PELI3: variants seen among roughly 807,000 people sequenced by gnomAD.
PELI3 encodes the protein pellino E3 ubiquitin protein ligase family member 3, also known as E3 ubiquitin-protein ligase pellino homolog 3.
In PELI3, 19 loss-of-function variants were observed where a neutral mutation model predicts 35.5. The observed-to-expected ratio is 0.54, with a 90% CI of 0.37 to 0.79. PELI3 has a LOEUF of 0.79. Among genes scored for constraint, PELI3 ranks in the 30% least tolerant of loss-of-function variants. The pLI is 0.00. For synonymous variants in PELI3, 262 were observed against 279.2 expected (o/e 0.94, Z 0.62); for missense variants, 490 against 661.2 (o/e 0.74, Z 2.84).
intron 3 of PELI3, 119 bp from the exon 4 acceptor site, chr11:66,471,123 T>A (rs1854699673): frequency 1.5e-6 from 2 of 1,316,554 alleles, no homozygotes; most frequent in South Asian, 2.9e-5. Context: ...AGAGCTTGTT[T>A]ATTAAGGTAG....
At position 66,468,915 on chromosome 11, in the gene PELI3, G is replaced by A; in HGVS notation, c.224+11G>A. ...AAGGGCACACAGCTGGTAAGTGGCA[G>A]GGCTGGGATTTGGACCCAGGTCTTT... On this transcript the variant is annotated intron_variant, in intron 3 of 7. Coordinates refer to ENST00000320740, the MANE Select transcript of PELI3 (RefSeq NM_145065.3). 3 of 755,832 alleles carry A rather than the reference G, an allele frequency of 4.0e-6. No individual in the cohort carries two copies. The highest frequency in any genetic ancestry group is 7.4e-6 in the Non-Finnish European group (3 of 404,662). 46.8% of individuals were successfully genotyped at this position (755,832 alleles called of 1,614,324 possible). A position where few individuals can be genotyped will look rare whatever the true frequency, so the allele number is the denominator to read the frequency against.
rs1438306406 is a variant in PELI3 at position 66,477,161 on chromosome 11, T to C, written c.*994T>C. ...CCATGTGACCAGGGAAGATGCTGGA[T>C]GGAGGATTCTGAACCTCATTTGTGG... On this transcript the variant is annotated 3_prime_UTR_variant, in exon 8 of 8. Coordinates refer to ENST00000320740, the MANE Select transcript of PELI3 (RefSeq NM_145065.3). The C allele has an allele frequency of 6.6e-6, 1 of 152,226 alleles. No homozygotes were observed. The highest frequency in any genetic ancestry group is 6.6e-5 in the Admixed American group (1 of 15,262). 9.4% of individuals were successfully genotyped at this position (152,226 alleles called of 1,614,324 possible).
chr11:66,475,639 C>G lies in PELI3; in HGVS notation c.882C>G (p.Ile294Met). The G allele has an allele frequency of 6.2e-7, 1 of 1,612,610 alleles. No homozygotes were observed. The highest frequency in any genetic ancestry group is 8.5e-7 in the Non-Finnish European group (1 of 1,179,912). Residue 294 changes from isoleucine to methionine, a missense_variant, in exon 8 of 8, where the codon ATC becomes ATG. Around this residue, in one of 3 missense-constraint regions of PELI3, gnomAD observed 349 missense variants for 484.8 expected, o/e 0.72. Coordinates refer to ENST00000320740, the MANE Select transcript of PELI3 (RefSeq NM_145065.3). ...ACGTGCTGCAGGACGGCTCTCTCAT[C>G]GACCTGTGTGGGGCCACACTGCTGT... is the stretch of plus-strand genomic sequence containing the variant. ...ESNVLQDGSLIDLCGATLLWR... is the reference protein window; with the variant it reads ...ESNVLQDGSLMDLCGATLLWR...
At chr11:66,474,030 G>A (rs779789370) in intron 7 of PELI3, 105 bp downstream of exon 7, 1 of 1,454,884 alleles carries the variant, frequency 6.9e-7, no homozygotes, top group Non-Finnish European at 9.4e-7. Context: ...TCTGCCCCAG[G>A]GAGCCCCAAC....
Position 66,473,597 on chromosome 11 carries a change from A to T in PELI3, c.652-140A>T. The T allele has an allele frequency of 7.5e-7, 1 of 1,332,394 alleles. No individual in the cohort carries two copies. 82.5% of individuals were successfully genotyped at this position (1,332,394 alleles called of 1,614,324 possible). On this transcript the variant is annotated intron_variant, in intron 6 of 7. Coordinates refer to ENST00000320740, the MANE Select transcript of PELI3 (RefSeq NM_145065.3). This position sits in a 1 kb window ranked among gnomAD's most constrained non-coding sequence, Gnocchi z 5.8. Reference sequence around the variant, plus strand: ...CTGATGAGCAAAGTGAGGCCCAGAGAGACGCTCAAGTCATGCAGCTTCAAT... The same window carrying T: ...CTGATGAGCAAAGTGAGGCCCAGAGTGACGCTCAAGTCATGCAGCTTCAAT...
rs1484510585 is a variant in PELI3 at position 66,467,012 on chromosome 11, C to T, written c.-17C>T. On this transcript the variant is annotated 5_prime_UTR_variant, in exon 1 of 8. Transcript: ENST00000320740. The surrounding 1 kb of genome is among the most constrained non-coding windows in gnomAD (Gnocchi z 4.2). ...GGGGAGGGAGCGGCGCCCAGCGGGG[C>T]CCGGAGCGTGGCCAGGTGAGGCCGC... The T allele has an allele frequency of 6.7e-6, 1 of 149,224 alleles. No homozygotes were observed. Among genetic ancestry groups the T allele is most frequent in the South Asian group, 2.1e-4 (1 of 4,824 alleles). The allele number at this position is 149,224 out of a possible 1,614,324, so 9.2% of individuals were successfully genotyped here.
chr11:66,475,557 G>C (rs1488535379), intron 7 of PELI3, 41 bp from the exon 8 acceptor site: 1 of 1,596,742 alleles, frequency 6.3e-7, no homozygotes, highest in Non-Finnish European at 8.5e-7. Flanking sequence ...GGCTCAGCAG[G>C]GGCCTCTTGG....
In PELI3 at chr11:66,476,106, G is replaced by A; in HGVS notation, c.1349G>A (p.Gly450Glu). Residue 450 changes from glycine (G) to glutamate (E), a missense_variant, in exon 8 of 8, where the codon GGG becomes GAG. Transcript: ENST00000320740. ...HAFHAACPFC[G>E]AWLTGEHGCV... is the part of the protein sequence containing the mutation. Reference sequence around the variant, plus strand: ...TTCCATGCCGCCTGCCCCTTTTGCGGGGCCTGGCTTACCGGCGAGCATGGC... The same window carrying A: ...TTCCATGCCGCCTGCCCCTTTTGCGAGGCCTGGCTTACCGGCGAGCATGGC... 3 of 1,600,546 alleles carry A rather than the reference G, an allele frequency of 1.9e-6. No homozygotes were observed. Among genetic ancestry groups the A allele is most frequent in the Non-Finnish European group, 2.6e-6 (3 of 1,176,400 alleles).
chr11:66,474,083 AT>A (rs1219777841), intron 7 of PELI3, 158 bp downstream of exon 7: 1 of 945,414 alleles, frequency 1.1e-6, no homozygotes, highest in Non-Finnish European at 1.6e-6. Context: ...GGTTCTTAGC[AT>A]GAGCCACTTG....
At chr11:66,468,076 G>A (rs1854597480) in intron 1 of PELI3, 52 bp from the exon 2 acceptor site, 1 of 1,518,918 alleles carries the variant, frequency 6.6e-7, no homozygotes, top group Non-Finnish European at 8.9e-7. Flanking sequence ...CTGGAATTGA[G>A]CCGGGCTGGG....
rs1488392155 is a variant in PELI3 at position 66,473,210 on chromosome 11, C to T, written c.457-31C>T. ...CCCATGAGAGTCCCCTATGTACATACAGTCCCTGCTTGCTCTCCCTGTCCT... is the reference window on the plus strand; with the variant it reads ...CCCATGAGAGTCCCCTATGTACATATAGTCCCTGCTTGCTCTCCCTGTCCT... On this transcript the variant is annotated intron_variant, in intron 5 of 7. Transcript: ENST00000320740. This position sits in a 1 kb window ranked among gnomAD's most constrained non-coding sequence, Gnocchi z 5.8. The T allele has an allele frequency of 4.4e-6, 7 of 1,574,368 alleles. No individual in the cohort carries two copies. In the East Asian group the frequency reaches 6.7e-5, roughly 15 times the overall value.
intron 2 of PELI3, among the ~76,000 whole-genome samples, chr11:66,468,599 C>T (rs1205172357): frequency 6.6e-6 from 1 of 152,244 alleles, no homozygotes; most frequent in Non-Finnish European, 1.5e-5. Context: ...TCCAGCAAAA[C>T]TGCTTGGTTC....
At chr11:66,470,373 G>C (rs901120167) in intron 3 of PELI3, among the ~76,000 whole-genome samples, 28 of 152,230 alleles carry the variant, frequency 1.8e-4, no homozygotes, top group Admixed American at 1.8e-3. Flanking sequence ...GGGGCTTCTG[G>C]AGTCAGAGAG....
chr11:66,472,921 C>T (rs1326398779), intron 5 of PELI3, among the ~76,000 whole-genome samples: 2 of 152,210 alleles, frequency 1.3e-5, no homozygotes, highest in African/African-American at 4.8e-5. Context: ...ACTTAGAAGT[C>T]ACTATCTGCT....
chr11:66,473,765 A>T lies in PELI3; in HGVS notation c.680A>T (p.Asp227Val), dbSNP rs140856482. 2.9e-5 allele frequency: 47 copies of T among 1,613,786 alleles called. No homozygotes were observed. Among genetic ancestry groups the T allele is most frequent in the Non-Finnish European group, 4.0e-5 (47 of 1,180,002 alleles). The change falls in exon 7 of 8, where the codon GAT (aspartate) becomes GTT (valine). Residue 227 changes from aspartate to valine, a missense_variant. Asp to Val is a radical substitution (Grantham distance 152). This residue lies in a region of PELI3 where 349 missense variants were observed against 484.8 expected (regional missense o/e 0.72). Coordinates refer to ENST00000320740, the MANE Select transcript of PELI3 (RefSeq NM_145065.3). The surrounding 1 kb of genome is among the most constrained non-coding windows in gnomAD (Gnocchi z 5.8). ...GERAAKWRTP[D>V]GLMDGLTTNG... The stretch of plus-strand genomic sequence containing the variant: ...CGAGCGGCCAAATGGCGGACCCCAG[A>T]TGGCCTGATGGATGGACTGACCACC...
At chr11:66,475,535 G>A (rs1370379679) in intron 7 of PELI3, 63 bp from the exon 8 acceptor site, 1 of 1,563,964 alleles carries the variant, frequency 6.4e-7, no homozygotes, top group Non-Finnish European at 8.7e-7. Context: ...AGGCTCTGTG[G>A]GATGGACCCG....
At position 66,475,967 on chromosome 11, in the gene PELI3, C is replaced by G; in HGVS notation, c.1210C>G (p.Leu404Val). 1 of 1,611,874 alleles carries G rather than the reference C, an allele frequency of 6.2e-7. No individual in the cohort carries two copies. Among genetic ancestry groups the G allele is most frequent in the Non-Finnish European group, 8.5e-7 (1 of 1,179,704 alleles). The stretch of plus-strand genomic sequence containing the variant: ...TCTATGGCTTGGCCAGGAGGCCGGC[C>G]TCTGCCTGGACCCTGGGCCGCCTAG... ...VPLWLGQEAG[L>V]CLDPGPPSHA... Residue 404 changes from leucine (L) to valine (V), a missense_variant, in exon 8 of 8, where the codon CTC (leucine) becomes GTC (valine). By Grantham distance (32) the Leu-to-Val change is conservative (BLOSUM62 1). Transcript: ENST00000320740.
chr11:66,468,277 T>G lies in PELI3; in HGVS notation c.149T>G (p.Leu50Arg). The change falls in exon 2 of 8, where the codon CTG (leucine) becomes CGG (arginine). Residue 50 changes from leucine (L) to arginine (R), a missense_variant. Physicochemically the swap from Leu to Arg is moderately radical, Grantham distance 102. Transcript: ENST00000320740. ...ATCAAGTATGGTGAACTCATCGTCCTGGGGTGAGCATCCCTGGCCTAGAAG... is the reference window on the plus strand; with the variant it reads ...ATCAAGTATGGTGAACTCATCGTCCGGGGGTGAGCATCCCTGGCCTAGAAG... ...EPIKYGELIV[L>R]GCCEEGGEET... is the part of the protein sequence containing the mutation. The G allele has an allele frequency of 6.6e-7, 1 of 1,507,926 alleles. No homozygotes were observed. The highest frequency in any genetic ancestry group is 8.9e-7 in the Non-Finnish European group (1 of 1,121,840). The allele number at this position is 1,507,926 out of a possible 1,614,324, so 93.4% of individuals were successfully genotyped here.
In PELI3 at chr11:66,471,232, A is replaced by G. The variant is rs1854704176; in HGVS notation, c.225-10A>G. Reference sequence around the variant, plus strand: ...TGCAACCCCTTCTTCTTAACCCCCGACATCTACAGCTACAATGGTTGTCTG... The same window carrying G: ...TGCAACCCCTTCTTCTTAACCCCCGGCATCTACAGCTACAATGGTTGTCTG... On this transcript the variant is annotated splice_polypyrimidine_tract_variant and intron_variant, in intron 3 of 7. Transcript: ENST00000320740. The G allele has an allele frequency of 6.2e-7, 1 of 1,607,730 alleles. No individual in the cohort carries two copies. Among genetic ancestry groups the G allele is most frequent in the East Asian group, 2.2e-5 (1 of 44,680 alleles).
Sources: allele counts gnomAD v4.1 joint callset (sites outside exome capture counted in the v4.1 genomes callset), GRCh38; gene constraint gnomAD v4.1.1; regional missense constraint gnomAD v4.1.1; non-coding constraint Gnocchi (gnomAD v3.1); transcripts MANE v1.5; gene names NCBI Gene and HGNC (gene_info 2026-07-23, HGNC 2026-07-21).